TSGA10: variants seen among roughly 807,000 people sequenced by gnomAD.
TSGA10 encodes testis specific 10.
TSGA10 carries 43 observed loss-of-function variants against 96.6 expected under a neutral mutation model. The observed-to-expected ratio is 0.44, with a 90% CI of 0.35 to 0.57. TSGA10 has a LOEUF of 0.57. Among genes scored for constraint, TSGA10 ranks in the 20% least tolerant of loss-of-function variants. The pLI, the probability that TSGA10 is intolerant of heterozygous loss-of-function variation, is 0.01. For synonymous variants in TSGA10, 229 were observed against 269.9 expected, an observed-to-expected ratio of 0.85 and a Z score of 1.48; for missense variants, 703 against 834.4, an observed-to-expected ratio of 0.84 and a Z score of 1.94.
chr2:99,093,135 G>T (rs1257270136), intron 10 of TSGA10, among the ~76,000 whole-genome samples: 1 of 152,006 alleles, frequency 6.6e-6, no homozygotes, highest in Admixed American at 6.6e-5. Context: ...CACATAAACA[G>T]AATAAAAAAC....
chr2:99,039,625 A>G (rs933551914), intron 16 of TSGA10, among the ~76,000 whole-genome samples: 2 of 152,000 alleles, frequency 1.3e-5, no homozygotes, highest in African/African-American at 4.8e-5. Context: ...ACAAGAAACA[A>G]AAACAAAAAA....
intron 4 of TSGA10, among the ~76,000 whole-genome samples, chr2:99,111,950 C>A (rs2091858444): frequency 1.3e-5 from 2 of 151,808 alleles, no homozygotes; most frequent in Non-Finnish European, 2.9e-5. Flanking sequence ...ATAAACATAA[C>A]CAAATAAACT....
intron 17 of TSGA10, among the ~76,000 whole-genome samples, chr2:99,024,172 C>T (rs968997974): frequency 6.6e-6 from 1 of 152,048 alleles, no homozygotes; most frequent in Non-Finnish European, 1.5e-5. Flanking sequence ...TCACTGCAAC[C>T]TCTGACTCCC....
At chr2:99,065,512 G>A (rs2085168285) in intron 15 of TSGA10, among the ~76,000 whole-genome samples, 1 of 152,150 alleles carries the variant, frequency 6.6e-6, no homozygotes, top group African/African-American at 2.4e-5. Context: ...TCGTACTGGT[G>A]TATTCCCTTG....
intron 20 of TSGA10, among the ~76,000 whole-genome samples, chr2:99,004,399 A>G (rs1046331848): frequency 1.3e-5 from 2 of 152,164 alleles, no homozygotes; most frequent in African/African-American, 2.4e-5. Flanking sequence ...TTCCTTCTGA[A>G]ACTATTCCAA....
chr2:99,138,627 A>G (rs1180736572), intron 1 of TSGA10, among the ~76,000 whole-genome samples: 1 of 152,248 alleles, frequency 6.6e-6, no homozygotes, highest in Non-Finnish European at 1.5e-5. Flanking sequence ...TGTGAGAGGA[A>G]GAGAGGTACA....
At chr2:99,000,671 C>G (rs1328549196) in intron 20 of TSGA10, among the ~76,000 whole-genome samples, 3 of 152,184 alleles carry the variant, frequency 2.0e-5, no homozygotes, top group African/African-American at 7.2e-5. Flanking sequence ...GTGGGTGCAG[C>G]CCACAGAGTG....
chr2:99,109,569 GA>G, intron 5 of TSGA10, 57 bp from the exon 6 acceptor site: 1 of 1,370,626 alleles, frequency 7.3e-7, no homozygotes, highest in Non-Finnish European at 9.5e-7. Context: ...TGCCAAAGAG[GA>G]AAAAATTAGA....
At chr2:99,112,897 C>T (rs79648427) in intron 4 of TSGA10, among the ~76,000 whole-genome samples, 8,381 of 142,620 alleles carry the variant, frequency 0.059, 469 homozygotes, top group East Asian at 0.21. Flanking sequence ...AAAGACTTTA[C>T]ACAATGTCTT....
Position 99,117,688 on chromosome 2 carries a change from C to T in TSGA10, c.-284G>A. 1 of 985,676 alleles carries T rather than the reference C, an allele frequency of 1.0e-6. No homozygotes were observed. Among genetic ancestry groups the T allele is most frequent in the African/African-American group, 1.7e-5 (1 of 57,308 alleles). The allele number at this position is 985,676 out of a possible 1,614,324, so 61.1% of individuals were successfully genotyped here. ...TTAAATCATCTACTTGACTGCTTACCACCTCCTTACTATCCAAGAGTTTCC... is the reference window on the plus strand; with the variant it reads ...TTAAATCATCTACTTGACTGCTTACTACCTCCTTACTATCCAAGAGTTTCC... On this transcript the variant is annotated 5_prime_UTR_variant, in exon 4 of 21. The change creates a premature stop within an existing upstream ORF in the 5' untranslated region. Transcript: ENST00000393483.
At chr2:99,128,999 A>G (rs1449867145) in intron 1 of TSGA10, among the ~76,000 whole-genome samples, 1 of 152,140 alleles carries the variant, frequency 6.6e-6, no homozygotes, top group Non-Finnish European at 1.5e-5. Context: ...CCTCCCGCCT[A>G]GGTCTCCCTG....
At chr2:99,144,890 G>A (rs2093616717) in intron 1 of TSGA10, among the ~76,000 whole-genome samples, 1 of 152,142 alleles carries the variant, frequency 6.6e-6, no homozygotes, top group Admixed American at 6.5e-5. Flanking sequence ...AACAGCAATG[G>A]GGTGATAGGT....
intron 16 of TSGA10, among the ~76,000 whole-genome samples, chr2:99,051,956 G>A (rs1308906445): frequency 4.6e-5 from 7 of 151,798 alleles, no homozygotes; most frequent in Admixed American, 4.6e-4. Context: ...CAACATACCT[G>A]AACTTATGAG....
intron 10 of TSGA10, among the ~76,000 whole-genome samples, chr2:99,084,408 G>C (rs1286599168): frequency 2.0e-5 from 3 of 151,750 alleles, no homozygotes; most frequent in Admixed American, 2.0e-4. Flanking sequence ...GTTCACATGA[G>C]ATCTGGCTGT....
At chr2:99,142,660 A>AT (rs2093582069) in intron 1 of TSGA10, among the ~76,000 whole-genome samples, 1 of 152,244 alleles carries the variant, frequency 6.6e-6, no homozygotes, top group African/African-American at 2.4e-5. Flanking sequence ...CAAGGAGCAC[A>AT]TATCCTCGGA....
At chr2:99,100,484 TAAAAC>T (rs1331321706) in intron 10 of TSGA10, among the ~76,000 whole-genome samples, 7 of 151,974 alleles carry the variant, frequency 4.6e-5, no homozygotes, top group Non-Finnish European at 1.0e-4. Flanking sequence ...AAAAGCAAAA[TAAAAC>T]AAAACTTGAC....
At chr2:99,022,449 AT>A (rs1266667715) in intron 17 of TSGA10, among the ~76,000 whole-genome samples, 1 of 151,992 alleles carries the variant, frequency 6.6e-6, no homozygotes, top group Non-Finnish European at 1.5e-5. Context: ...GAAACAAACA[AT>A]GTGTATGCGG....
intron 10 of TSGA10, among the ~76,000 whole-genome samples, chr2:99,088,625 C>A (rs2088874366): frequency 3.9e-5 from 6 of 152,258 alleles, no homozygotes; most frequent in Admixed American, 3.3e-4. Flanking sequence ...ACGTGGAAAA[C>A]TGATCATTCC....
intron 17 of TSGA10, among the ~76,000 whole-genome samples, chr2:99,034,162 T>G (rs1360563853): frequency 6.6e-6 from 1 of 152,006 alleles, no homozygotes; most frequent in Non-Finnish European, 1.5e-5. Context: ...TGAGACAACT[T>G]CAAATCTCCA....
Sources: gnomAD v4.1 joint callset for allele counts (sites outside exome capture counted in the v4.1 genomes callset) on GRCh38, gnomAD v4.1.1 for gene constraint, MANE v1.5 for transcripts, NCBI Gene and HGNC (gene_info 2026-07-23, HGNC 2026-07-21) for gene names.